The following ARHGAP22 variants were observed in gnomAD, a reference collection of about 807,000 sequenced individuals.
The protein encoded by ARHGAP22 is rho GTPase-activating protein 22.
A neutral mutation model predicts 59.1 loss-of-function variants in ARHGAP22; 48 were observed. The observed-to-expected ratio is 0.81, with a 90% CI of 0.64 to 1.03. ARHGAP22 has a LOEUF of 1.03. Ranked by LOEUF, ARHGAP22 falls within the 50% of genes least tolerant of loss-of-function variation. The probability of loss-of-function intolerance (pLI) is 0.00; values close to 1 mark genes in which losing one functional copy is unlikely to be tolerated. For synonymous variants in ARHGAP22, 445 were observed against 416.4 expected, an observed-to-expected ratio of 1.07 and a Z score of -0.84; for missense variants, 1,015 against 958.7, an observed-to-expected ratio of 1.06 and a Z score of -0.78.
intron 4 of ARHGAP22, among the ~76,000 whole-genome samples, chr10:48,476,021 A>C (rs1255188521): frequency 6.6e-6 from 1 of 151,650 alleles, no homozygotes; most frequent in Non-Finnish European, 1.5e-5. Context: ...CCCTAACCCT[A>C]TCTCTTGTGT....
At chr10:48,449,904 G>T (rs1050769617) in intron 9 of ARHGAP22, among the ~76,000 whole-genome samples, 6 of 152,238 alleles carry the variant, frequency 3.9e-5, no homozygotes, top group Non-Finnish European at 1.5e-5. Flanking sequence ...CCCTTGTACT[G>T]GGACAAGCCT....
intron 3 of ARHGAP22, among the ~76,000 whole-genome samples, chr10:48,497,372 C>T (rs765108796): frequency 3.3e-5 from 5 of 152,212 alleles, no homozygotes; most frequent in African/African-American, 4.8e-5. Flanking sequence ...CTGCCTCCTC[C>T]TCAGCAGCGC....
At chr10:48,573,859 G>A (rs1466460046) in intron 2 of ARHGAP22, among the ~76,000 whole-genome samples, 5 of 152,164 alleles carry the variant, frequency 3.3e-5, no homozygotes, top group Admixed American at 1.3e-4. Context: ...CAGGTATTCT[G>A]GTTCCAAATA....
chr10:48,525,967 T>C (rs1215115910), intron 3 of ARHGAP22, among the ~76,000 whole-genome samples: 2 of 152,242 alleles, frequency 1.3e-5, no homozygotes, highest in Non-Finnish European at 2.9e-5. Flanking sequence ...GAGATAATTA[T>C]ATTTTTAGGT....
At chr10:48,511,145 G>A (rs1454084055) in intron 3 of ARHGAP22, among the ~76,000 whole-genome samples, 1 of 152,224 alleles carries the variant, frequency 6.6e-6, no homozygotes, top group Non-Finnish European at 1.5e-5. Context: ...AAGTTAGAAG[G>A]TGCTGGTGTC....
chr10:48,655,048 T>C (rs1459559450), upstream of ARHGAP22, among the ~76,000 whole-genome samples: 16 of 62,228 alleles, frequency 2.6e-4, 1 homozygote, highest in African/African-American at 1.0e-3. Context: ...CTTTCTTTCT[T>C]TCTTTCTCCT....
chr10:48,488,516 G>A (rs74615221), intron 3 of ARHGAP22, among the ~76,000 whole-genome samples: 2,544 of 152,296 alleles, frequency 0.017, 68 homozygotes, highest in African/African-American at 0.057. Context: ...TGGTATGAAC[G>A]TAGATTCTTG....
chr10:48,526,445 G>T lies in ARHGAP22; in HGVS notation c.322+29018C>A, dbSNP rs367648477. ...TTTCACTTCATGACACATAGGTGGG[G>T]GTTACAAAGAGAGAGTAACTGAGAA... On this transcript the variant is annotated intron_variant, in intron 3 of 9. Coordinates refer to ENST00000249601, the MANE Select transcript of ARHGAP22 (RefSeq NM_021226.4). 3.9e-5 allele frequency among the ~76,000 whole-genome samples: 6 copies of T among 152,282 alleles called. No individual in the cohort carries two copies. The East Asian group carries it at 1.2e-3, about 29-fold the overall frequency.
intron 2 of ARHGAP22, chr10:48,575,343 T>C (rs2058643855): frequency 6.6e-6 from 1 of 152,214 alleles, no homozygotes; most frequent in Non-Finnish European, 1.5e-5. Context: ...AACATTTTAT[T>C]TTTTGTTTTT....
At chr10:48,649,035 GCCGA>G in intron 1 of ARHGAP22, among the ~76,000 whole-genome samples, 2 of 152,284 alleles carry the variant, frequency 1.3e-5, no homozygotes, top group Admixed American at 1.3e-4. Flanking sequence ...CCAGGTGAGA[GCCGA>G]CCTCTCGCCC....
chr10:48,646,803 A>G (rs1402214361), intron 1 of ARHGAP22, among the ~76,000 whole-genome samples: 2 of 152,236 alleles, frequency 1.3e-5, no homozygotes, highest in Non-Finnish European at 2.9e-5. Flanking sequence ...CACAGGAGAA[A>G]GTGTTTGTGA....
chr10:48,613,342 A>T (rs1054678847), intron 1 of ARHGAP22, among the ~76,000 whole-genome samples: 1 of 152,194 alleles, frequency 6.6e-6, no homozygotes, highest in African/African-American at 2.4e-5. Context: ...TATCCCAGTT[A>T]AAAAAAGACA....
intron 3 of ARHGAP22, among the ~76,000 whole-genome samples, chr10:48,530,715 C>T (rs4838615): frequency 0.18 from 27,148 of 152,010 alleles, 2,641 homozygotes; most frequent in East Asian, 0.33. Flanking sequence ...AAAACCACAA[C>T]GCGATACCAC....
intron 2 of ARHGAP22, among the ~76,000 whole-genome samples, chr10:48,558,461 C>A (rs940884419): frequency 6.6e-6 from 1 of 151,926 alleles, no homozygotes; most frequent in African/African-American, 2.4e-5. Context: ...CTACCGGGCT[C>A]CAGTGAGCCT....
intron 3 of ARHGAP22, among the ~76,000 whole-genome samples, chr10:48,550,928 C>T (rs1460267572): frequency 6.6e-6 from 1 of 152,178 alleles, no homozygotes; most frequent in Non-Finnish European, 1.5e-5. Flanking sequence ...CATTAAGGAT[C>T]TCTCCAATCC....
At chr10:48,553,440 G>A (rs973926465) in intron 3 of ARHGAP22, among the ~76,000 whole-genome samples, 7 of 152,236 alleles carry the variant, frequency 4.6e-5, no homozygotes, top group Non-Finnish European at 1.0e-4. Context: ...ATCTGTAGGG[G>A]TCCTCAGATG....
At chr10:48,468,657 C>A (rs904466698) in intron 4 of ARHGAP22, among the ~76,000 whole-genome samples, 1 of 152,096 alleles carries the variant, frequency 6.6e-6, no homozygotes, top group Non-Finnish European at 1.5e-5. Context: ...GCAATGTGGA[C>A]CTAATATAAG....
intron 9 of ARHGAP22, among the ~76,000 whole-genome samples, chr10:48,449,683 C>T (rs182027170): frequency 1.3e-5 from 2 of 152,334 alleles, no homozygotes; most frequent in East Asian, 1.9e-4. Context: ...AGGGCAACCC[C>T]GGTCCTCATG....
chr10:48,597,608 G>A (rs1378514304), intron 1 of ARHGAP22, among the ~76,000 whole-genome samples: 1 of 152,168 alleles, frequency 6.6e-6, no homozygotes, highest in African/African-American at 2.4e-5. Context: ...AGTGCTGAGT[G>A]AACAGTGTAG....
Sources: gnomAD v4.1 joint callset for allele counts (sites outside exome capture counted in the v4.1 genomes callset) on GRCh38, gnomAD v4.1.1 for gene constraint, MANE v1.5 for transcripts, NCBI Gene and HGNC (gene_info 2026-07-23, HGNC 2026-07-21) for gene names.